Variants in SLC41A3 observed in about 807,000 individuals in gnomAD.
SLC41A3 encodes SLC41A1-like 2.
Under a neutral mutation model 45.4 loss-of-function variants are expected in SLC41A3, and 44 were observed. The observed-to-expected ratio is 0.97, with a 90% CI of 0.76 to 1.25. SLC41A3 has a LOEUF of 1.25. Ranked by LOEUF, SLC41A3 falls within the 50% of genes most tolerant of loss-of-function variation. The pLI, the probability that SLC41A3 is intolerant of heterozygous loss-of-function variation, is 0.00. For missense variants in SLC41A3, 550 were observed against 600.6 expected (o/e 0.92, Z 0.88); for synonymous variants, 256 against 252.4 (o/e 1.01, Z -0.13).
At chr3:126,059,376 C>T (rs1237860360) in intron 2 of SLC41A3, among the ~76,000 whole-genome samples, 2 of 151,892 alleles carry the variant, frequency 1.3e-5, no homozygotes, top group African/African-American at 4.8e-5. Flanking sequence ...AGAGCAGACT[C>T]GGCCACACGC....
chr3:126,010,916 C>T (rs1939641178), intron 9 of SLC41A3, among the ~76,000 whole-genome samples: 1 of 152,240 alleles, frequency 6.6e-6, no homozygotes, highest in Admixed American at 6.5e-5. Context: ...CAGTCCATCC[C>T]TTCTCCCCAG....
Position 126,012,721 on chromosome 3 carries a change from C to G in SLC41A3, c.999G>C (p.Gln333His), listed in dbSNP as rs761778285. Residue 333 changes from glutamine (Q) to histidine (H), a missense_variant, in exon 9 of 11, where the codon CAG becomes CAC. Coordinates refer to ENST00000360370, the MANE Select transcript of SLC41A3 (RefSeq NM_017836.4). ...GCAGGTAGGTTGAGATTCGGCTGGTCTGAATGGCCACCAGATTGCCACCAA... is the reference window on the plus strand; with the variant it reads ...GCAGGTAGGTTGAGATTCGGCTGGTGTGAATGGCCACCAGATTGCCACCAA... ...CGVGGNLVAIQTSRISTYLHM... is the reference protein window; with the variant it reads ...CGVGGNLVAIHTSRISTYLHM... 2 of 1,614,192 alleles carry G rather than the reference C, an allele frequency of 1.2e-6. No individual in the cohort carries two copies. The highest frequency in any genetic ancestry group is 2.2e-5 in the East Asian group (1 of 44,892).
chr3:126,053,890 A>G lies in SLC41A3; in HGVS notation c.274-2840T>C, dbSNP rs1346795221. ...AGGACTCAACACCTTCTTTTCCCCA[A>G]TCTGACATTCAAGTCATCACAACTT... On this transcript the variant is annotated intron_variant, in intron 2 of 10. Transcript: ENST00000360370. 2.0e-5 allele frequency among the ~76,000 whole-genome samples: 3 copies of G among 151,998 alleles called. No homozygotes were observed. The East Asian group carries it at 5.8e-4, about 29-fold the overall frequency.
intron 4 of SLC41A3, among the ~76,000 whole-genome samples, chr3:126,029,371 C>CCG (rs1553728706): frequency 6.6e-6 from 1 of 151,288 alleles, no homozygotes; most frequent in Non-Finnish European, 1.5e-5. Context: ...GGCACTCCCT[C>CCG]CCCCACCACT....
At chr3:126,037,334 AC>A (rs1220428339) in intron 3 of SLC41A3, among the ~76,000 whole-genome samples, 1 of 152,224 alleles carries the variant, frequency 6.6e-6, no homozygotes, top group Non-Finnish European at 1.5e-5. Context: ...TCAGAAGAAG[AC>A]AGGAAGATAA....
At chr3:126,025,992 G>A (rs779288056) in intron 5 of SLC41A3, among the ~76,000 whole-genome samples, 6 of 152,220 alleles carry the variant, frequency 3.9e-5, no homozygotes, top group Non-Finnish European at 7.3e-5. Flanking sequence ...CCAACAGGCT[G>A]ACTGCACAGA....
chr3:126,065,975 C>A (rs1471755582), intron 2 of SLC41A3, among the ~76,000 whole-genome samples: 1 of 152,122 alleles, frequency 6.6e-6, no homozygotes, highest in Non-Finnish European at 1.5e-5. Flanking sequence ...AGGCAGCAGC[C>A]CTGGAGGAAG....
At chr3:126,010,492 A>T (rs183519174) in intron 9 of SLC41A3, among the ~76,000 whole-genome samples, 1 of 152,350 alleles carries the variant, frequency 6.6e-6, no homozygotes, top group Non-Finnish European at 1.5e-5. Flanking sequence ...ACTCCATAGA[A>T]GTCTGATCTT....
chr3:126,009,502 T>G (rs1172256090), intron 9 of SLC41A3, among the ~76,000 whole-genome samples: 1 of 152,236 alleles, frequency 6.6e-6, no homozygotes, highest in African/African-American at 2.4e-5. Context: ...TAAGTGTGAT[T>G]GACCCTGGCC....
chr3:126,068,356 A>C, intron 1 of SLC41A3, 110 bp from the exon 2 acceptor site: 1 of 1,006,210 alleles, frequency 9.9e-7, no homozygotes, highest in Non-Finnish European at 1.4e-6. Flanking sequence ...GTCCCATCCA[A>C]CCCACAGCCC....
intron 6 of SLC41A3, among the ~76,000 whole-genome samples, chr3:126,019,816 C>G (rs2107688908): frequency 6.6e-6 from 1 of 152,110 alleles, no homozygotes; most frequent in Non-Finnish European, 1.5e-5. Flanking sequence ...CCACCCAGCT[C>G]TCCCAGGCTG....
chr3:126,018,412 T>C (rs1460789186), intron 6 of SLC41A3, among the ~76,000 whole-genome samples: 1 of 152,200 alleles, frequency 6.6e-6, no homozygotes, highest in African/African-American at 2.4e-5. Context: ...CTTACAGATC[T>C]CCCTTGCCAC....
At chr3:126,031,799 G>A (rs778848143) in intron 4 of SLC41A3, among the ~76,000 whole-genome samples, 18 of 152,250 alleles carry the variant, frequency 1.2e-4, no homozygotes, top group East Asian at 1.9e-4. Context: ...ACTTGTAGTC[G>A]AGGCATTTAT....
At position 126,089,968 on chromosome 3, in the gene SLC41A3, C is replaced by T. The variant is rs113015333; in HGVS notation, c.-79+11461G>A. ...CTGCTTGGCTTGTGAATGGTATTTC[C>T]GAGGTAAATAGACATCTCATTTAAA... On this transcript the variant is annotated intron_variant, in intron 1 of 9. Coordinates refer to the SLC41A3 transcript ENST00000508835. Among the ~76,000 whole-genome samples the T allele has an allele frequency of 7.0e-3, 1,058 of 150,146 alleles. 4 individuals are homozygous for T. Among genetic ancestry groups the T allele is most frequent in the Non-Finnish European group, 0.012 (784 of 67,754 alleles).
chr3:126,039,370 A>G (rs1942428256), intron 3 of SLC41A3, among the ~76,000 whole-genome samples: 1 of 152,206 alleles, frequency 6.6e-6, no homozygotes, highest in Non-Finnish European at 1.5e-5. Flanking sequence ...ATCTCATTGT[A>G]GAAGAATACA....
chr3:126,041,019 A>G (rs1179232244), intron 3 of SLC41A3, among the ~76,000 whole-genome samples: 1 of 152,242 alleles, frequency 6.6e-6, no homozygotes, highest in African/African-American at 2.4e-5. Flanking sequence ...AAATAAAAAG[A>G]TAATTTTTAA....
At chr3:126,080,367 T>TAA (rs138214039) in intron 1 of SLC41A3, among the ~76,000 whole-genome samples, 17 of 151,776 alleles carry the variant, frequency 1.1e-4, no homozygotes, top group Admixed American at 5.9e-4. Flanking sequence ...CAACTCAATA[T>TAA]AAAAAAAATC....
intron 1 of SLC41A3, among the ~76,000 whole-genome samples, chr3:126,093,737 T>C (rs1388960992): frequency 1.3e-5 from 2 of 152,220 alleles, no homozygotes; most frequent in African/African-American, 4.8e-5. Context: ...GATTGTGCCA[T>C]ATGTGGGAAT....
At chr3:126,036,277 G>T (rs1197377823) in intron 3 of SLC41A3, among the ~76,000 whole-genome samples, 1 of 152,220 alleles carries the variant, frequency 6.6e-6, no homozygotes, top group Non-Finnish European at 1.5e-5. Flanking sequence ...CTCTGGGCCT[G>T]TGAGGCTGCC....
Sources: gnomAD v4.1 joint callset for allele counts (sites outside exome capture counted in the v4.1 genomes callset) on GRCh38, gnomAD v4.1.1 for gene constraint, MANE v1.5 for transcripts, NCBI Gene and HGNC (gene_info 2026-07-23, HGNC 2026-07-21) for gene names.